The following ARRB1 variants were observed in gnomAD, a reference collection of about 807,000 sequenced individuals.
ARRB1 encodes the protein arrestin beta 1, also known as beta-arrestin-1.
Under a neutral mutation model 56.8 loss-of-function variants are expected in ARRB1, and 21 were observed. The observed-to-expected ratio is 0.37, with a 90% confidence interval of 0.26 to 0.53. The LOEUF is 0.53. Among genes scored for constraint, ARRB1 ranks in the 20% least tolerant of loss-of-function variants. The pLI, the probability that ARRB1 is intolerant of heterozygous loss-of-function variation, is 0.88. For synonymous variants in ARRB1, 210 were observed against 218.6 expected (o/e 0.96, Z 0.35); for missense variants, 424 against 553.7 (o/e 0.77, Z 2.35).
In ARRB1 at chr11:75,266,156, G is replaced by A. The variant is rs754707292; in HGVS notation, c.*7C>T. The A allele has an allele frequency of 1.1e-5, 17 of 1,611,982 alleles. No homozygotes were observed. Among genetic ancestry groups the A allele is most frequent in the African/African-American group, 6.7e-5 (5 of 74,890 alleles). ...GCCGGAGCCACGTGGAGGCAGGGCC[G>A]GCCCGTCTATCTGTTGTTGAGCTGT... On this transcript the variant is annotated 3_prime_UTR_variant, in exon 16 of 16. Coordinates refer to ENST00000420843, the MANE Select transcript of ARRB1 (RefSeq NM_004041.5).
rs58428187 is a variant in ARRB1 at position 75,281,085 on chromosome 11, T to A, written c.472A>T (p.Ile158Phe). The A allele has an allele frequency of 2.5e-6, 4 of 1,602,808 alleles. No homozygotes were observed. Among genetic ancestry groups the A allele is most frequent in the Non-Finnish European group, 3.4e-6 (4 of 1,174,410 alleles). The change falls in exon 7 of 16, where the codon ATC becomes TTC. Residue 158 changes from isoleucine (I) to phenylalanine (F), a missense_variant. Ile to Phe is a conservative substitution (Grantham distance 21). Around this residue, in one of 3 missense-constraint regions of ARRB1, gnomAD observed 301 missense variants for 387.9 expected, o/e 0.78. Coordinates refer to ENST00000420843, the MANE Select transcript of ARRB1 (RefSeq NM_004041.5). ...AFCAENLEEKIHKRNSVRLVI... is the reference protein window; with the variant it reads ...AFCAENLEEKFHKRNSVRLVI... ...TGGCATCCTACTCACCGCTTGTGGA[T>A]CTTCTCCTCCAAATTCTCCGCGCAG...
chr11:75,298,035 T>C (rs1370891342), intron 1 of ARRB1, among the ~76,000 whole-genome samples: 1 of 135,116 alleles, frequency 7.4e-6, no homozygotes, highest in African/African-American at 2.8e-5. Flanking sequence ...GAAGAAAAAA[T>C]AGACAAAATT....
chr11:75,267,810 G>T (rs1945964277), intron 14 of ARRB1, 107 bp from the exon 15 acceptor site: 3 of 927,356 alleles, frequency 3.2e-6, no homozygotes, highest in Non-Finnish European at 5.1e-6. Context: ...AACATGAGAA[G>T]GGCAAAGGAT....
At chr11:75,308,616 A>T (rs1039890396) in intron 1 of ARRB1, among the ~76,000 whole-genome samples, 1 of 152,222 alleles carries the variant, frequency 6.6e-6, no homozygotes, top group African/African-American at 2.4e-5. Context: ...GTGATGGCAC[A>T]CACCTATAAT....
intron 1 of ARRB1, among the ~76,000 whole-genome samples, chr11:75,314,843 G>A (rs1565135755): frequency 6.6e-6 from 1 of 152,094 alleles, no homozygotes; most frequent in South Asian, 2.1e-4. Context: ...CTGACCTCAG[G>A]TGATCCACCC....
intron 1 of ARRB1, among the ~76,000 whole-genome samples, chr11:75,351,312 G>C (rs1229261750): frequency 1.3e-5 from 2 of 152,236 alleles, no homozygotes; most frequent in African/African-American, 2.4e-5. Flanking sequence ...GCCCCCGTGC[G>C]TCTCTGCGGC....
In ARRB1 at chr11:75,278,717, C is replaced by T; in HGVS notation, c.510G>A (p.Lys170=). Residue 170 remains lysine, a synonymous_variant, in exon 8 of 16, where the codon AAG becomes AAA. Coordinates refer to ENST00000420843, the MANE Select transcript of ARRB1 (RefSeq NM_004041.5). The part of the protein sequence containing the change: ...KRNSVRLVIR[K]VQYAPERPGP... Reference sequence around the variant, plus strand: ...CAGGCCTCTCTGGGGCATACTGAACCTTCCGGATGACCAGACGCACAGAAT... The same window carrying T: ...CAGGCCTCTCTGGGGCATACTGAACTTTCCGGATGACCAGACGCACAGAAT... 1 of 1,612,358 alleles carries T rather than the reference C, an allele frequency of 6.2e-7. No individual in the cohort carries two copies. The highest frequency in any genetic ancestry group is 8.5e-7 in the Non-Finnish European group (1 of 1,179,074).
At chr11:75,317,392 A>G (rs986218267) in intron 1 of ARRB1, among the ~76,000 whole-genome samples, 1 of 152,052 alleles carries the variant, frequency 6.6e-6, no homozygotes, top group Admixed American at 6.6e-5. Flanking sequence ...AAAATAACAC[A>G]TAGCAGTGCT....
intron 14 of ARRB1, among the ~76,000 whole-genome samples, chr11:75,268,091 G>A (rs770898906): frequency 2.0e-5 from 3 of 151,996 alleles, no homozygotes; most frequent in Non-Finnish European, 4.4e-5. Flanking sequence ...GTGTCTTACC[G>A]TCGATGGCAC....
In ARRB1 at chr11:75,260,557, A is replaced by G. The variant is rs1318301251; in HGVS notation, c.*5606T>C. 2 of 152,224 alleles carry G rather than the reference A, an allele frequency of 1.3e-5. No homozygotes were observed. The highest frequency in any genetic ancestry group is 2.1e-4 in the South Asian group (1 of 4,826). 9.4% of individuals were successfully genotyped at this position (152,224 alleles called of 1,614,324 possible). A position where few individuals can be genotyped will look rare whatever the true frequency, so the allele number is the denominator to read the frequency against. On this transcript the variant is annotated 3_prime_UTR_variant, in exon 16 of 16. Transcript: ENST00000420843. ...TACTCACCACCTCATATGACCACCT[A>G]TCATACCCACCTCTCCTATGACCCT... is the stretch of plus-strand genomic sequence containing the variant.
chr11:75,297,864 C>CAAAAAAA (rs34831668), intron 1 of ARRB1, among the ~76,000 whole-genome samples: 786 of 29,234 alleles, frequency 0.027, 123 homozygotes, highest in African/African-American at 0.044. Flanking sequence ...GACTTTGTCT[C>CAAAAAAA]AAAAAAAAAA....
At chr11:75,311,386 A>G (rs535580986) in intron 1 of ARRB1, among the ~76,000 whole-genome samples, 1 of 152,346 alleles carries the variant, frequency 6.6e-6, no homozygotes, top group South Asian at 2.1e-4. Flanking sequence ...AATTCCGAGA[A>G]AGGAGCAGCT....
chr11:75,287,923 C>T (rs1168413183), intron 2 of ARRB1, among the ~76,000 whole-genome samples: 5 of 152,062 alleles, frequency 3.3e-5, no homozygotes, highest in African/African-American at 9.7e-5. Context: ...AGTGCAATGG[C>T]GCGATCTCAG....
At chr11:75,306,758 G>T in intron 1 of ARRB1, 1 of 1,017,064 alleles carries the variant, frequency 9.8e-7, no homozygotes. Flanking sequence ...AGGCGTTCCT[G>T]ATACGCGTCC....
intron 1 of ARRB1, among the ~76,000 whole-genome samples, chr11:75,304,733 G>A (rs537554237): frequency 2.1e-4 from 32 of 151,434 alleles, no homozygotes; most frequent in East Asian, 2.0e-3. Context: ...CAAACCCCCC[G>A]CAAAGGATCT....
chr11:75,302,329 A>C (rs1262388845), intron 1 of ARRB1, among the ~76,000 whole-genome samples: 2 of 152,232 alleles, frequency 1.3e-5, no homozygotes, highest in African/African-American at 2.4e-5. Context: ...ATATTTTTGA[A>C]AATTCTCAGG....
At chr11:75,334,349 C>T (rs1025096082) in intron 1 of ARRB1, among the ~76,000 whole-genome samples, 1 of 151,090 alleles carries the variant, frequency 6.6e-6, no homozygotes, top group Non-Finnish European at 1.5e-5. Context: ...GTTACAACAG[C>T]CCCTTCCCAG....
intron 1 of ARRB1, among the ~76,000 whole-genome samples, chr11:75,294,172 A>G: frequency 6.6e-6 from 1 of 152,180 alleles, no homozygotes; most frequent in Admixed American, 6.5e-5. Flanking sequence ...CATGTAGTCA[A>G]GGAGGCCCGG....
chr11:75,348,869 C>T (rs1232231013), intron 1 of ARRB1, among the ~76,000 whole-genome samples: 2 of 152,252 alleles, frequency 1.3e-5, no homozygotes, highest in Admixed American at 6.5e-5. Flanking sequence ...GGATTACAGG[C>T]GTGAACCACC....
Sources: gnomAD v4.1 joint callset for allele counts (sites outside exome capture counted in the v4.1 genomes callset) on GRCh38, gnomAD v4.1.1 for gene constraint, gnomAD v4.1.1 regional missense constraint, MANE v1.5 for transcripts, NCBI Gene and HGNC (gene_info 2026-07-23, HGNC 2026-07-21) for gene names.